Variants in SDK1 observed in about 807,000 individuals in gnomAD.
SDK1 encodes sidekick cell adhesion molecule 1, also known as protein sidekick-1.
In SDK1, 157 loss-of-function variants were observed where a neutral mutation model predicts 245.5. That is an observed-to-expected ratio of 0.64 (90% CI 0.56 to 0.73). SDK1 has a LOEUF of 0.73. Among genes scored for constraint, SDK1 ranks in the 30% least tolerant of loss-of-function variants. SDK1 has a pLI of 0.00. For synonymous variants in SDK1, 1,647 were observed against 1,278.5 expected (o/e 1.29, Z -6.15); for missense variants, 3,583 against 3,002.3 (o/e 1.19, Z -4.52).
At chr7:4,132,701 C>T (rs1784918811) in intron 28 of SDK1, 1 of 335,900 alleles carries the variant, frequency 3.0e-6, no homozygotes, top group Admixed American at 3.8e-5. Flanking sequence ...GCACTCCAGC[C>T]TGAGAGAGAG....
intron 44 of SDK1, among the ~76,000 whole-genome samples, chr7:4,264,506 C>T (rs1425353052): frequency 2.8e-5 from 3 of 105,862 alleles, no homozygotes; most frequent in African/African-American, 3.5e-5. Context: ...AGGGAGGCCG[C>T]GTGGACCTCT....
chr7:3,998,401 T>C (rs1042919406), intron 14 of SDK1, among the ~76,000 whole-genome samples: 1 of 152,282 alleles, frequency 6.6e-6, no homozygotes, highest in Non-Finnish European at 1.5e-5. Flanking sequence ...AATACATTCC[T>C]TCCATTCCCA....
chr7:3,840,445 C>T (rs1780128778), intron 5 of SDK1, among the ~76,000 whole-genome samples: 2 of 152,170 alleles, frequency 1.3e-5, no homozygotes. Flanking sequence ...TTTTAATACA[C>T]AGCCAGGGTT....
At chr7:4,177,464 C>T (rs1782286872) in intron 34 of SDK1, among the ~76,000 whole-genome samples, 1 of 152,208 alleles carries the variant, frequency 6.6e-6, no homozygotes. Context: ...GCAGCCCACG[C>T]CCGTTCTTTC....
intron 1 of SDK1, among the ~76,000 whole-genome samples, chr7:3,305,933 G>A (rs905786475): frequency 6.6e-6 from 1 of 152,182 alleles, no homozygotes; most frequent in Non-Finnish European, 1.5e-5. Context: ...GGAAAACTGA[G>A]GCATTCAGAT....
chr7:3,839,700 A>G (rs1350817366), intron 5 of SDK1, among the ~76,000 whole-genome samples: 2 of 152,220 alleles, frequency 1.3e-5, no homozygotes, highest in African/African-American at 4.8e-5. Context: ...ATTGAGATGT[A>G]TTTCCAGTAA....
chr7:4,002,078 T>C (rs1378376876), intron 14 of SDK1, among the ~76,000 whole-genome samples: 1 of 152,266 alleles, frequency 6.6e-6, no homozygotes, highest in Admixed American at 6.5e-5. Context: ...ATTATGTTCC[T>C]TTTGTCACTG....
intron 1 of SDK1, among the ~76,000 whole-genome samples, chr7:3,583,543 ATTTC>A (rs1373156955): frequency 1.3e-5 from 2 of 152,132 alleles, no homozygotes; most frequent in Non-Finnish European, 2.9e-5. Flanking sequence ...CATAGCACTG[ATTTC>A]TTTATCATTC....
intron 1 of SDK1, among the ~76,000 whole-genome samples, chr7:3,348,307 C>CA (rs1289396403): frequency 2.6e-5 from 4 of 152,154 alleles, no homozygotes; most frequent in African/African-American, 9.7e-5. Context: ...GTACCTGACT[C>CA]ACAGTTGTTA....
intron 35 of SDK1, among the ~76,000 whole-genome samples, chr7:4,201,639 A>C (rs115945990): frequency 2.7e-3 from 414 of 152,332 alleles, no homozygotes; most frequent in African/African-American, 9.8e-3. Context: ...GATGCCTGGC[A>C]TGGCACAGGG....
At chr7:3,889,822 TA>T (rs1781417074) in intron 5 of SDK1, among the ~76,000 whole-genome samples, 1 of 152,176 alleles carries the variant, frequency 6.6e-6, no homozygotes, top group Admixed American at 6.5e-5. Context: ...TGATTCTTAC[TA>T]GAAGGCGGAG....
intron 37 of SDK1, 64 bp downstream of exon 37, chr7:4,208,349 T>C: frequency 1.4e-6 from 2 of 1,466,490 alleles, no homozygotes; most frequent in Non-Finnish European, 1.9e-6. Context: ...GAGCGCCAGC[T>C]CAGGTCCCCT....
Position 4,017,209 on chromosome 7 carries a change from G to A in SDK1, c.2459G>A (p.Arg820Gln), listed in dbSNP as rs755904393. Residue 820 changes from arginine (R) to glutamine (Q), a missense_variant, in exon 17 of 45, where the codon CGG becomes CAG. Transcript: ENST00000404826. ...LAGLPGEYQQ[R>Q]NITSPEVNYC... ...GGCCTTCCCGGAGAGTACCAGCAGC[G>A]GAACATCACCAGCCCGGAGGTGAAC... The A allele has an allele frequency of 1.4e-5, 22 of 1,613,616 alleles. No individual in the cohort carries two copies. The highest frequency in any genetic ancestry group is 8.9e-5 in the East Asian group (4 of 44,876).
intron 4 of SDK1, among the ~76,000 whole-genome samples, chr7:3,804,146 T>G (rs561790514): frequency 2.6e-5 from 4 of 152,338 alleles, no homozygotes; most frequent in Admixed American, 1.3e-4. Context: ...TTTTAACTCA[T>G]GAATTATGCT....
intron 1 of SDK1, among the ~76,000 whole-genome samples, chr7:3,557,794 T>C (rs944685219): frequency 1.3e-5 from 2 of 152,176 alleles, no homozygotes; most frequent in Admixed American, 6.5e-5. Flanking sequence ...CTTGTTACTT[T>C]AGGAGTTGAA....
At chr7:3,599,769 G>A (rs1273752286) in intron 1 of SDK1, among the ~76,000 whole-genome samples, 3 of 152,182 alleles carry the variant, frequency 2.0e-5, no homozygotes, top group South Asian at 4.1e-4. Flanking sequence ...GCTGCCTTGT[G>A]TTGAGTGTTT....
intron 5 of SDK1, among the ~76,000 whole-genome samples, chr7:3,894,611 A>G (rs978603335): frequency 3.9e-5 from 6 of 152,096 alleles, no homozygotes; most frequent in African/African-American, 9.7e-5. Flanking sequence ...GAGCTACAAC[A>G]TCAGGGCATC....
At chr7:3,406,110 G>T (rs183482614) in intron 1 of SDK1, among the ~76,000 whole-genome samples, 24 of 152,138 alleles carry the variant, frequency 1.6e-4, no homozygotes, top group Non-Finnish European at 1.3e-4. Context: ...ACCGCTCCTC[G>T]TCTGTTGTGC....
At position 3,561,201 on chromosome 7, in the gene SDK1, C is replaced by G. The variant is rs146872262; in HGVS notation, c.299-57879C>G. 7.0e-3 allele frequency among the ~76,000 whole-genome samples: 1,068 copies of G among 152,232 alleles called. 10 individuals carry two copies. Among genetic ancestry groups the G allele is most frequent in the Middle Eastern group, 0.017 (5 of 294 alleles). ...TTCATCCTGATCTGTCTCCACAGTTCTATTAGAATCCTTCCTTTTTACTCT... is the reference window on the plus strand; with the variant it reads ...TTCATCCTGATCTGTCTCCACAGTTGTATTAGAATCCTTCCTTTTTACTCT... On this transcript the variant is annotated intron_variant, in intron 1 of 44. Coordinates refer to ENST00000404826, the MANE Select transcript of SDK1 (RefSeq NM_152744.4).
Sources: gnomAD v4.1 joint callset for allele counts (sites outside exome capture counted in the v4.1 genomes callset) on GRCh38, gnomAD v4.1.1 for gene constraint, MANE v1.5 for transcripts, NCBI Gene and HGNC (gene_info 2026-07-23, HGNC 2026-07-21) for gene names.